The following PEMT variants were observed in gnomAD, a reference collection of about 807,000 sequenced individuals.
The protein encoded by PEMT is phospholipid methyltransferase.
In PEMT, 23 loss-of-function variants were observed where a neutral mutation model predicts 27.4. The observed-to-expected ratio is 0.84, with a 90% CI of 0.60 to 1.19. PEMT has a LOEUF of 1.19. Ranked by LOEUF, PEMT falls within the 50% of genes most tolerant of loss-of-function variation. The pLI, the probability that PEMT is intolerant of heterozygous loss-of-function variation, is 0.00. For synonymous variants in PEMT, 137 were observed against 139.1 expected, an observed-to-expected ratio of 0.98 and a Z score of 0.11; for missense variants, 307 against 310.1, an observed-to-expected ratio of 0.99 and a Z score of 0.07.
chr17:17,586,287 A>G (rs1176505933), intron 1 of PEMT, among the ~76,000 whole-genome samples: 1 of 79,470 alleles, frequency 1.3e-5, no homozygotes, highest in Non-Finnish European at 2.5e-5. Context: ...AAAGAAAGAA[A>G]GAAAAAAAAA....
At chr17:17,547,130 C>T (rs551133583) in intron 2 of PEMT, among the ~76,000 whole-genome samples, 1 of 152,252 alleles carries the variant, frequency 6.6e-6, no homozygotes, top group Non-Finnish European at 1.5e-5. Context: ...TTAATTCAAT[C>T]AGAAATAATT....
At chr17:17,543,680 A>G (rs1198501536) in intron 2 of PEMT, among the ~76,000 whole-genome samples, 1 of 152,088 alleles carries the variant, frequency 6.6e-6, no homozygotes, top group African/African-American at 2.4e-5. Context: ...CTCCTGCCTC[A>G]GCCTCCTGAG....
intron 2 of PEMT, among the ~76,000 whole-genome samples, chr17:17,568,632 C>T (rs148087062): frequency 1.0e-3 from 155 of 152,336 alleles, no homozygotes; most frequent in African/African-American, 3.6e-3. Flanking sequence ...ATAGCACCTA[C>T]AAGGTCGGCT....
intron 1 of PEMT, among the ~76,000 whole-genome samples, chr17:17,584,797 G>A (rs986445849): frequency 6.6e-6 from 1 of 152,264 alleles, no homozygotes; most frequent in African/African-American, 2.4e-5. Flanking sequence ...ACAGAGTGCT[G>A]ATGAGACAAG....
intron 2 of PEMT, among the ~76,000 whole-genome samples, chr17:17,575,676 G>C (rs950188090): frequency 6.6e-6 from 1 of 152,218 alleles, no homozygotes; most frequent in Non-Finnish European, 1.5e-5. Flanking sequence ...TCAGGAGAAA[G>C]GGGTGTCCGG....
chr17:17,524,230 G>A (rs142341736), intron 2 of PEMT, among the ~76,000 whole-genome samples: 8 of 152,274 alleles, frequency 5.3e-5, no homozygotes, highest in East Asian at 3.9e-4. Flanking sequence ...ACATACGGGC[G>A]CTTGCTAGGA....
At chr17:17,522,140 G>C in intron 3 of PEMT, 140 bp downstream of exon 3, 1 of 648,154 alleles carries the variant, frequency 1.5e-6, no homozygotes, top group Non-Finnish European at 2.8e-6. Flanking sequence ...AGGGTGGCTT[G>C]CTGTGGCAGG....
intron 2 of PEMT, among the ~76,000 whole-genome samples, chr17:17,552,514 C>T (rs774824082): frequency 1.3e-5 from 2 of 152,210 alleles, no homozygotes; most frequent in Non-Finnish European, 2.9e-5. Context: ...GTGGGTGAGA[C>T]GCTGCTCCTC....
At chr17:17,532,112 C>A (rs1228080791) in intron 2 of PEMT, among the ~76,000 whole-genome samples, 1 of 152,158 alleles carries the variant, frequency 6.6e-6, no homozygotes, top group African/African-American at 2.4e-5. Context: ...GACTGGATGC[C>A]TTCCCCCTAA....
intron 2 of PEMT, among the ~76,000 whole-genome samples, chr17:17,557,245 C>T (rs148736614): frequency 1.2e-4 from 18 of 152,306 alleles, no homozygotes; most frequent in African/African-American, 4.1e-4. Flanking sequence ...CCCAGCCTGA[C>T]CCTCACGCAG....
chr17:17,591,701 G>A lies in PEMT; in HGVS notation c.-75C>T. On this transcript the variant is annotated 5_prime_UTR_variant, in exon 1 of 7. Transcript: ENST00000255389. ...CCCCCGGAACCGGACCTATAGAGCC[G>A]GGTAAGTGCCGCCAGTCGGGGCGCT... 2.0e-6 allele frequency: 3 copies of A among 1,519,516 alleles called. No individual in the cohort carries two copies. The highest frequency in any genetic ancestry group is 2.7e-6 in the Non-Finnish European group (3 of 1,130,360). 94.1% of individuals were successfully genotyped at this position (1,519,516 alleles called of 1,614,324 possible).
intron 2 of PEMT, among the ~76,000 whole-genome samples, chr17:17,525,276 A>G (rs1303840737): frequency 6.6e-6 from 1 of 152,230 alleles, no homozygotes; most frequent in Non-Finnish European, 1.5e-5. Flanking sequence ...ACAACAGAAA[A>G]GCATCAAGCA....
At chr17:17,505,959 C>T (rs1905795687) in intron 6 of PEMT, 111 bp from the exon 7 acceptor site, 9 of 1,417,896 alleles carry the variant, frequency 6.3e-6, no homozygotes, top group Non-Finnish European at 8.4e-6. Context: ...GACCGGGATC[C>T]CCTTCATCCC....
intron 2 of PEMT, among the ~76,000 whole-genome samples, chr17:17,564,222 C>T (rs1910676710): frequency 6.6e-6 from 1 of 152,166 alleles, no homozygotes; most frequent in Non-Finnish European, 1.5e-5. Context: ...TGCTTCCCAC[C>T]AATGGCTCTT....
upstream of PEMT, chr17:17,591,850 G>A (rs978319192): frequency 2.2e-5 from 30 of 1,372,770 alleles, no homozygotes; most frequent in African/African-American, 3.0e-5. Context: ...AAGTCCCAGT[G>A]TGTTTCGCCG....
At chr17:17,533,429 G>A (rs1322270704) in intron 2 of PEMT, among the ~76,000 whole-genome samples, 36 of 152,176 alleles carry the variant, frequency 2.4e-4, no homozygotes, top group Non-Finnish European at 1.3e-4. Context: ...ATTTAGCAAT[G>A]GTTTCTCAGA....
chr17:17,558,108 G>A (rs756781408), intron 2 of PEMT, among the ~76,000 whole-genome samples: 7 of 152,192 alleles, frequency 4.6e-5, no homozygotes, highest in Non-Finnish European at 1.0e-4. Flanking sequence ...TTGGGAGGGT[G>A]AGGCGGCAGA....
At chr17:17,562,273 G>A (rs1910538667) in intron 2 of PEMT, among the ~76,000 whole-genome samples, 1 of 152,158 alleles carries the variant, frequency 6.6e-6, no homozygotes, top group Non-Finnish European at 1.5e-5. Context: ...GATCGGATCC[G>A]CTGGATCCAT....
chr17:17,573,172 G>A (rs1229920603), intron 2 of PEMT, among the ~76,000 whole-genome samples: 1 of 150,172 alleles, frequency 6.7e-6, no homozygotes, highest in African/African-American at 2.5e-5. Flanking sequence ...CTGGGCAACA[G>A]AGCAAGACTC....
Sources: allele counts gnomAD v4.1 joint callset (sites outside exome capture counted in the v4.1 genomes callset), GRCh38; gene constraint gnomAD v4.1.1; transcripts MANE v1.5; gene names NCBI Gene and HGNC (gene_info 2026-07-23, HGNC 2026-07-21).